RAD51B: variants seen among roughly 807,000 people sequenced by gnomAD.
RAD51B encodes the protein RAD51 paralog B.
In RAD51B, 38 loss-of-function variants were observed where a neutral mutation model predicts 42.2. The ratio of observed to expected loss-of-function variants is 0.90; its 90% CI spans 0.70 to 1.18. The LOEUF is 1.18. Among genes scored for constraint, RAD51B ranks in the 50% most tolerant of loss-of-function variants. RAD51B has a pLI of 0.00. For synonymous variants in RAD51B, 154 were observed against 145.2 expected (o/e 1.06, Z -0.43); for missense variants, 373 against 400.7 (o/e 0.93, Z 0.59).
At chr14:68,014,587 G>T (rs1481332280) in intron 7 of RAD51B, among the ~76,000 whole-genome samples, 1 of 151,740 alleles carries the variant, frequency 6.6e-6, no homozygotes, top group Non-Finnish European at 1.5e-5. Flanking sequence ...GGCAAATTTT[G>T]GGTATTCTTT....
At chr14:68,301,544 G>C (rs1275174670) in intron 8 of RAD51B, among the ~76,000 whole-genome samples, 1 of 149,592 alleles carries the variant, frequency 6.7e-6, no homozygotes, top group East Asian at 2.0e-4. Flanking sequence ...CCAGCAGAAA[G>C]TCCTGTCTTA....
At chr14:67,973,451 TGGATTTTATG>T (rs779261405) in intron 7 of RAD51B, among the ~76,000 whole-genome samples, 2 of 152,142 alleles carry the variant, frequency 1.3e-5, no homozygotes, top group Non-Finnish European at 2.9e-5. Flanking sequence ...ACTGTTAAAG[TGGATTTTATG>T]TAAATTGTTC....
At chr14:67,917,468 C>G (rs1334158343) in intron 7 of RAD51B, among the ~76,000 whole-genome samples, 1 of 152,136 alleles carries the variant, frequency 6.6e-6, no homozygotes, top group Non-Finnish European at 1.5e-5. Flanking sequence ...AAGACAGCAG[C>G]GAGCCATGAG....
At chr14:68,321,308 T>G (rs2082153480) in intron 8 of RAD51B, among the ~76,000 whole-genome samples, 2 of 152,150 alleles carry the variant, frequency 1.3e-5, no homozygotes, top group Admixed American at 1.3e-4. Context: ...CCCCTTTTAT[T>G]CTCCCTCCTC....
intron 4 of RAD51B, among the ~76,000 whole-genome samples, chr14:67,853,090 G>A (rs1315615589): frequency 1.3e-5 from 2 of 152,208 alleles, no homozygotes; most frequent in Non-Finnish European, 2.9e-5. Flanking sequence ...AGGTGGAGGG[G>A]CCATGATTAA....
intron 10 of RAD51B, among the ~76,000 whole-genome samples, chr14:68,502,066 AG>A (rs1215302282): frequency 6.6e-6 from 1 of 152,262 alleles, no homozygotes; most frequent in Non-Finnish European, 1.5e-5. Flanking sequence ...GAGCCATCAA[AG>A]GAGCCTCAAT....
intron 10 of RAD51B, among the ~76,000 whole-genome samples, chr14:68,488,669 T>G (rs1458125737): frequency 6.6e-6 from 1 of 152,232 alleles, no homozygotes; most frequent in African/African-American, 2.4e-5. Context: ...TTTCATCCAC[T>G]GACATCCACC....
intron 10 of RAD51B, among the ~76,000 whole-genome samples, chr14:68,522,023 A>G (rs1280989373): frequency 2.6e-5 from 4 of 152,098 alleles, no homozygotes; most frequent in African/African-American, 7.2e-5. Context: ...TGGCTGGATG[A>G]GAGATGTTTG....
chr14:67,823,894 A>G (rs1012622493), intron 2 of RAD51B, among the ~76,000 whole-genome samples: 16 of 152,228 alleles, frequency 1.1e-4, no homozygotes, highest in Non-Finnish European at 2.4e-4. Flanking sequence ...TTTTATAGTT[A>G]CATGAGAAAT....
chr14:68,088,529 G>A (rs1436529952), intron 7 of RAD51B, among the ~76,000 whole-genome samples: 2 of 151,344 alleles, frequency 1.3e-5, no homozygotes, highest in Admixed American at 1.3e-4. Context: ...TCATGTTGCA[G>A]CATTTGCTGC....
intron 11 of RAD51B, among the ~76,000 whole-genome samples, chr14:68,656,079 C>T (rs1892809298): frequency 6.6e-6 from 1 of 152,188 alleles, no homozygotes; most frequent in Non-Finnish European, 1.5e-5. Context: ...AGAACACAGT[C>T]CCTGTCCTGC....
At chr14:67,943,703 T>A (rs1774289774) in intron 7 of RAD51B, among the ~76,000 whole-genome samples, 1 of 152,184 alleles carries the variant, frequency 6.6e-6, no homozygotes, top group South Asian at 2.1e-4. Flanking sequence ...AGAACACTAT[T>A]TGACATATGG....
chr14:67,929,105 C>T (rs2044635811), intron 7 of RAD51B, among the ~76,000 whole-genome samples: 1 of 151,872 alleles, frequency 6.6e-6, no homozygotes, highest in Admixed American at 6.6e-5. Flanking sequence ...CTGCTCTGAT[C>T]TTTATTATTT....
chr14:67,935,446 C>A (rs2044903537), intron 7 of RAD51B, among the ~76,000 whole-genome samples: 1 of 152,174 alleles, frequency 6.6e-6, no homozygotes. Context: ...CTCACTGCAG[C>A]TTTCACCTCC....
chr14:68,655,255 C>A (rs571305076), intron 11 of RAD51B, among the ~76,000 whole-genome samples: 1 of 152,188 alleles, frequency 6.6e-6, no homozygotes, highest in South Asian at 2.1e-4. Flanking sequence ...TGTTAGCTAG[C>A]CTATCTCTTG....
intron 8 of RAD51B, among the ~76,000 whole-genome samples, chr14:68,386,096 A>C (rs2083588385): frequency 6.6e-6 from 1 of 152,124 alleles, no homozygotes; most frequent in Admixed American, 6.5e-5. Context: ...TGATCTCATC[A>C]ACATTTAGGG....
intron 10 of RAD51B, among the ~76,000 whole-genome samples, chr14:68,593,784 C>T (rs889273200): frequency 6.6e-6 from 1 of 152,184 alleles, no homozygotes; most frequent in South Asian, 2.1e-4. Flanking sequence ...CTATTCCCAG[C>T]ATTCCCTCTG....
At chr14:68,075,322 G>A (rs1409818737) in intron 7 of RAD51B, among the ~76,000 whole-genome samples, 1 of 152,094 alleles carries the variant, frequency 6.6e-6, no homozygotes, top group Non-Finnish European at 1.5e-5. Context: ...TTCCCAGTCC[G>A]AGGGCAGCAA....
intron 10 of RAD51B, among the ~76,000 whole-genome samples, chr14:68,494,716 C>CTGAAATT (rs532472459): frequency 9.6e-4 from 146 of 152,246 alleles, no homozygotes; most frequent in Non-Finnish European, 1.6e-3. Context: ...AAAGGAAATA[C>CTGAAATT]TGAAATTTTC....
Sources: allele counts gnomAD v4.1 joint callset (sites outside exome capture counted in the v4.1 genomes callset), GRCh38; gene constraint gnomAD v4.1.1; transcripts MANE v1.5; gene names NCBI Gene and HGNC (gene_info 2026-07-23, HGNC 2026-07-21).